The following PTPRN2 variants were observed in gnomAD, a reference collection of about 807,000 sequenced individuals.
PTPRN2 encodes the protein protein tyrosine phosphatase receptor type N2.
PTPRN2 carries 74 observed loss-of-function variants against 118.8 expected under a neutral mutation model. The ratio of observed to expected loss-of-function variants is 0.62; its 90% confidence interval spans 0.52 to 0.76. The LOEUF is 0.76. PTPRN2 is among the 30% of genes least tolerant of loss of function. PTPRN2 has a pLI of 0.00. For missense variants in PTPRN2, 1,481 were observed against 1,394.4 expected (o/e 1.06, Z -0.99); for synonymous variants, 641 against 608.0 (o/e 1.05, Z -0.80).
chr7:157,669,320 A>G (rs1796290637), intron 13 of PTPRN2, among the ~76,000 whole-genome samples: 1 of 152,242 alleles, frequency 6.6e-6, no homozygotes, highest in Non-Finnish European at 1.5e-5. Context: ...CACGTGGCCA[A>G]CGCTGCTCTG....
chr7:158,164,155 C>T (rs28408979), intron 6 of PTPRN2, among the ~76,000 whole-genome samples: 5 of 151,982 alleles, frequency 3.3e-5, no homozygotes, highest in South Asian at 4.1e-4. Context: ...GTGGGAGGAA[C>T]GAGAAGGCGC....
At chr7:157,592,854 T>G (rs1190781876) in intron 17 of PTPRN2, among the ~76,000 whole-genome samples, 5 of 144,808 alleles carry the variant, frequency 3.5e-5, no homozygotes, top group Non-Finnish European at 7.5e-5. Flanking sequence ...TGGCACCTGC[T>G]GAATGGAGGG....
At chr7:158,553,174 C>T (rs1826774124) in intron 1 of PTPRN2, among the ~76,000 whole-genome samples, 2 of 150,776 alleles carry the variant, frequency 1.3e-5, no homozygotes, top group Non-Finnish European at 3.0e-5. Context: ...TGTCTACACA[C>T]ATACAGGCTT....
intron 2 of PTPRN2, among the ~76,000 whole-genome samples, chr7:158,379,481 ACACT>A (rs1380708687): frequency 6.6e-6 from 1 of 152,216 alleles, no homozygotes; most frequent in Admixed American, 6.5e-5. Flanking sequence ...AGCCAAACTC[ACACT>A]CACAGCCCAC....
At chr7:158,264,440 A>G (rs1166362508) in intron 3 of PTPRN2, among the ~76,000 whole-genome samples, 1 of 151,892 alleles carries the variant, frequency 6.6e-6, no homozygotes, top group South Asian at 2.1e-4. Context: ...AGCTCTTCCT[A>G]CATGCTGGAC....
At chr7:158,512,847 G>A (rs988207670) in intron 1 of PTPRN2, among the ~76,000 whole-genome samples, 13 of 152,176 alleles carry the variant, frequency 8.5e-5, no homozygotes, top group African/African-American at 3.1e-4. Context: ...GCCACGGAAC[G>A]GGCTGCCGGC....
intron 5 of PTPRN2, among the ~76,000 whole-genome samples, chr7:158,184,875 C>T (rs1026693229): frequency 1.3e-5 from 2 of 152,126 alleles, no homozygotes; most frequent in African/African-American, 4.8e-5. Context: ...CAGACATCCT[C>T]GTCTAATGCC....
intron 2 of PTPRN2, among the ~76,000 whole-genome samples, chr7:158,445,807 C>A (rs920509739): frequency 1.3e-5 from 2 of 152,244 alleles, no homozygotes; most frequent in African/African-American, 4.8e-5. Context: ...TCCTCCTGTC[C>A]CCGTGAGCCA....
intron 14 of PTPRN2, among the ~76,000 whole-genome samples, chr7:157,624,647 T>C (rs532791647): frequency 6.6e-6 from 1 of 152,358 alleles, no homozygotes; most frequent in South Asian, 2.1e-4. Flanking sequence ...GTTCAGTTTC[T>C]ATTTAATGCG....
At chr7:158,125,508 C>T (rs543158485) in intron 9 of PTPRN2, among the ~76,000 whole-genome samples, 67 of 152,332 alleles carry the variant, frequency 4.4e-4, no homozygotes, top group African/African-American at 1.5e-3. Context: ...CATGCCACTC[C>T]TTCTCGCCTT....
intron 1 of PTPRN2, among the ~76,000 whole-genome samples, chr7:158,523,543 AT>A (rs1824429772): frequency 2.8e-5 from 1 of 35,600 alleles, no homozygotes; most frequent in Non-Finnish European, 5.4e-5. Context: ...CTGCCCTGGA[AT>A]GGAGTCCTCT....
At chr7:158,181,166 T>C (rs1214900132) in intron 5 of PTPRN2, among the ~76,000 whole-genome samples, 2 of 152,242 alleles carry the variant, frequency 1.3e-5, no homozygotes, top group Non-Finnish European at 2.9e-5. Context: ...CTGGGTTTTA[T>C]TGAATGCTTT....
chr7:158,365,991 G>A (rs948782207), intron 2 of PTPRN2, among the ~76,000 whole-genome samples: 3 of 147,488 alleles, frequency 2.0e-5, no homozygotes, highest in Non-Finnish European at 4.5e-5. Flanking sequence ...CAGCATCCCT[G>A]GGAGAAGCTG....
intron 2 of PTPRN2, among the ~76,000 whole-genome samples, chr7:158,489,460 A>T (rs543864587): frequency 6.4e-4 from 98 of 152,266 alleles, no homozygotes; most frequent in Admixed American, 1.6e-3. Flanking sequence ...AAAATTTTTT[A>T]AAAAAGGATG....
chr7:157,692,360 C>G (rs1163617146), intron 12 of PTPRN2, among the ~76,000 whole-genome samples: 1 of 152,204 alleles, frequency 6.6e-6, no homozygotes, highest in African/African-American at 2.4e-5. Flanking sequence ...CACTCTGGCG[C>G]TGCCCCTAGA....
intron 10 of PTPRN2, among the ~76,000 whole-genome samples, chr7:158,091,585 A>T (rs1396038115): frequency 6.7e-6 from 1 of 150,230 alleles, no homozygotes; most frequent in Admixed American, 6.6e-5. Context: ...TGCGTGAGGG[A>T]TAGGTGATAG....
intron 11 of PTPRN2, among the ~76,000 whole-genome samples, chr7:158,009,365 C>T (rs1475578190): frequency 2.6e-5 from 4 of 152,084 alleles, no homozygotes; most frequent in African/African-American, 9.7e-5. Flanking sequence ...CAAAAGAAGT[C>T]TTCATTCTAC....
intron 6 of PTPRN2, among the ~76,000 whole-genome samples, chr7:158,151,351 C>T (rs1163346485): frequency 9.0e-5 from 13 of 143,920 alleles, no homozygotes; most frequent in South Asian, 4.5e-4. Flanking sequence ...CCCACACCGC[C>T]CGCCTTTCTG....
At chr7:158,269,909 GAC>G (rs555114483) in intron 3 of PTPRN2, among the ~76,000 whole-genome samples, 7 of 110,880 alleles carry the variant, frequency 6.3e-5, no homozygotes, top group African/African-American at 2.9e-4. Context: ...GAGACATAGA[GAC>G]AGAGAAACAG....
Sources: gnomAD v4.1 joint callset for allele counts (sites outside exome capture counted in the v4.1 genomes callset) on GRCh38, gnomAD v4.1.1 for gene constraint, MANE v1.5 for transcripts, NCBI Gene and HGNC (gene_info 2026-07-23, HGNC 2026-07-21) for gene names.